Variants in SKAP2 observed in about 807,000 individuals in gnomAD.
SKAP2 encodes the protein src kinase-associated phosphoprotein 2.
A neutral mutation model predicts 54.9 loss-of-function variants in SKAP2; 28 were observed. The ratio of observed to expected loss-of-function variants is 0.51; its 90% confidence interval spans 0.38 to 0.70. The LOEUF is 0.70. Ranked by LOEUF, SKAP2 falls within the 30% of genes least tolerant of loss-of-function variation. The pLI is 0.00. For synonymous variants in SKAP2, 137 were observed against 134.3 expected (o/e 1.02, Z -0.14); for missense variants, 356 against 424.1 (o/e 0.84, Z 1.41).
chr7:26,709,665 T>A (rs1787249639), intron 9 of SKAP2, among the ~76,000 whole-genome samples: 1 of 152,176 alleles, frequency 6.6e-6, no homozygotes, highest in Admixed American at 6.5e-5. Flanking sequence ...TCACATTAAG[T>A]CCTTAGAGAA....
chr7:26,781,209 A>T (rs1329504974), intron 4 of SKAP2, among the ~76,000 whole-genome samples: 1 of 152,164 alleles, frequency 6.6e-6, no homozygotes, highest in African/African-American at 2.4e-5. Context: ...TGACCCTCTT[A>T]CACTATGTAA....
intron 4 of SKAP2, among the ~76,000 whole-genome samples, chr7:26,826,310 A>C (rs2127991476): frequency 6.6e-6 from 1 of 152,270 alleles, no homozygotes; most frequent in African/African-American, 2.4e-5. Context: ...CAGTGTCTCT[A>C]AGAAGAAGCT....
In SKAP2 at chr7:26,846,027, T is replaced by C. The variant is rs141002253; in HGVS notation, c.200-1890A>G. Among the ~76,000 whole-genome samples the C allele has an allele frequency of 3.0e-3, 456 of 152,304 alleles. 4 individuals are homozygous for C. The highest frequency in any genetic ancestry group is 2.8e-3 in the Non-Finnish European group (190 of 68,024). On this transcript the variant is annotated intron_variant, in intron 3 of 12. Transcript: ENST00000345317. ...AGTGCTAGTAAACATATTTTGATCA[T>C]GTTACAACAGTTCATGGAATATGTA... is the stretch of plus-strand genomic sequence containing the variant.
At chr7:26,683,825 T>C (rs1410203298) in intron 11 of SKAP2, among the ~76,000 whole-genome samples, 3 of 152,144 alleles carry the variant, frequency 2.0e-5, no homozygotes. Context: ...CAAGTCATAC[T>C]ATCTCTCTGA....
chr7:26,810,891 A>C (rs1000368732), intron 4 of SKAP2, among the ~76,000 whole-genome samples: 9 of 152,282 alleles, frequency 5.9e-5, no homozygotes, highest in African/African-American at 1.7e-4. Flanking sequence ...CATGTTGCAC[A>C]AGATGGTCTC....
At chr7:26,738,261 T>C (rs1412186999) in intron 6 of SKAP2, among the ~76,000 whole-genome samples, 1 of 152,238 alleles carries the variant, frequency 6.6e-6, no homozygotes, top group East Asian at 1.9e-4. Context: ...AGAGTTGTTG[T>C]GAGCTAAACA....
At chr7:26,849,256 T>C (rs773541947) in intron 3 of SKAP2, among the ~76,000 whole-genome samples, 13 of 152,242 alleles carry the variant, frequency 8.5e-5, no homozygotes, top group Non-Finnish European at 1.6e-4. Flanking sequence ...AGTAAATCTA[T>C]GCATATTTAA....
At chr7:26,725,344 A>G in intron 9 of SKAP2, 84 bp downstream of exon 9, 1 of 1,003,048 alleles carries the variant, frequency 1.0e-6, no homozygotes, top group Non-Finnish European at 1.4e-6. Context: ...GTCGAGGACA[A>G]ATCACACACA....
At chr7:26,723,864 T>C (rs562498105) in intron 9 of SKAP2, among the ~76,000 whole-genome samples, 43 of 152,310 alleles carry the variant, frequency 2.8e-4, no homozygotes, top group African/African-American at 1.0e-3. Context: ...TTCCATTTTA[T>C]GAGTATACAT....
At position 26,739,910 on chromosome 7, in the gene SKAP2, C is replaced by G; in HGVS notation, c.362G>C (p.Gly121Ala). 1 of 1,611,678 alleles carries G rather than the reference C, an allele frequency of 6.2e-7. No individual in the cohort carries two copies. Among genetic ancestry groups the G allele is most frequent in the Non-Finnish European group, 8.5e-7 (1 of 1,179,068 alleles). ...AQDLPFVLKA[G>A]YLEKRRKDHS... is the part of the protein sequence containing the mutation. ...ACCTTTTCTGCGTTTTTCAAGGTAG[C>G]CAGCCTTTAGAACAAAAGGAAGGTC... The change falls in exon 5 of 13, where the codon GGC (glycine) becomes GCC (alanine). Residue 121 changes from glycine (G) to alanine (A), a missense_variant. Physicochemically the swap from Gly to Ala is moderately conservative, Grantham distance 60 (BLOSUM62 0). Coordinates refer to ENST00000345317, the MANE Select transcript of SKAP2 (RefSeq NM_003930.5).
chr7:26,672,938 A>G (rs1429361418), intron 11 of SKAP2, among the ~76,000 whole-genome samples: 2 of 152,014 alleles, frequency 1.3e-5, no homozygotes, highest in Non-Finnish European at 2.9e-5. Flanking sequence ...CTGCCTGTCT[A>G]TGCCTTTCCT....
chr7:26,726,219 G>C (rs1197141925), intron 7 of SKAP2, among the ~76,000 whole-genome samples: 1 of 152,118 alleles, frequency 6.6e-6, no homozygotes, highest in African/African-American at 2.4e-5. Flanking sequence ...AGGAAAAAAA[G>C]CTGCTTCTCT....
chr7:26,835,973 T>A (rs962929056), intron 4 of SKAP2, among the ~76,000 whole-genome samples: 2 of 152,150 alleles, frequency 1.3e-5, no homozygotes, highest in African/African-American at 4.8e-5. Context: ...CAAAACAGCA[T>A]GGCACTGGTA....
At position 26,695,254 on chromosome 7, in the gene SKAP2, A is replaced by C. The variant is rs181108556; in HGVS notation, c.797-4892T>G. Among the ~76,000 whole-genome samples the C allele has an allele frequency of 1.8e-3, 273 of 152,334 alleles. 1 individual carries two copies. The highest frequency in any genetic ancestry group is 6.4e-3 in the African/African-American group (268 of 41,586). On this transcript the variant is annotated intron_variant, in intron 9 of 12. Coordinates refer to ENST00000345317, the MANE Select transcript of SKAP2 (RefSeq NM_003930.5). ...AGAATCAAAAGTTAAGCTCTGAAAT[A>C]AAGTTTGGATTTAGATCTCCACCTG...
chr7:26,693,332 CAAAAA>C (rs34775523), intron 9 of SKAP2, among the ~76,000 whole-genome samples: 1 of 79,888 alleles, frequency 1.3e-5, no homozygotes. Flanking sequence ...AGCTCCATCT[CAAAAA>C]AAAAAAAAAA....
At chr7:26,726,354 A>C (rs1450525257) in intron 7 of SKAP2, among the ~76,000 whole-genome samples, 1 of 152,142 alleles carries the variant, frequency 6.6e-6, no homozygotes, top group Admixed American at 6.6e-5. Flanking sequence ...ATTCCAACAC[A>C]CTACCTGACA....
the SKAP2 span, among the ~76,000 whole-genome samples, chr7:26,656,916 C>A: frequency 6.6e-6 from 1 of 152,040 alleles, no homozygotes; most frequent in East Asian, 1.9e-4. Context: ...CACGGCTGCC[C>A]GAGATTTTCC....
intron 3 of SKAP2, among the ~76,000 whole-genome samples, chr7:26,846,591 TCAC>T (rs1419283656): frequency 1.6e-4 from 24 of 152,334 alleles, no homozygotes; most frequent in African/African-American, 5.5e-4. Context: ...CACAAACTGA[TCAC>T]TAACAGGTGA....
intron 4 of SKAP2, among the ~76,000 whole-genome samples, chr7:26,769,066 C>T (rs1253855891): frequency 6.6e-6 from 1 of 152,186 alleles, no homozygotes; most frequent in African/African-American, 2.4e-5. Flanking sequence ...AACTTGGTTC[C>T]ATTCTCCCTG....
Sources: allele counts gnomAD v4.1 joint callset (sites outside exome capture counted in the v4.1 genomes callset), GRCh38; gene constraint gnomAD v4.1.1; transcripts MANE v1.5; gene names NCBI Gene and HGNC (gene_info 2026-07-23, HGNC 2026-07-21).